Variants in ARMC12 observed in about 807,000 individuals in gnomAD.
ARMC12 encodes armadillo repeat containing 12.
Under a neutral mutation model 37.4 loss-of-function variants are expected in ARMC12, and 25 were observed. That is an observed-to-expected ratio of 0.67 (90% CI 0.49 to 0.93). ARMC12 has a LOEUF of 0.93. ARMC12 is among the 40% of genes least tolerant of loss of function. ARMC12 has a pLI of 0.00. For synonymous variants in ARMC12, 167 were observed against 176.1 expected (o/e 0.95, Z 0.41); for missense variants, 384 against 426.6 (o/e 0.90, Z 0.88).
upstream of ARMC12, chr6:35,735,886 G>A (rs534461746): frequency 2.0e-5 from 3 of 152,336 alleles, no homozygotes; most frequent in South Asian, 4.1e-4. This position sits in a 1 kb window ranked among gnomAD's most constrained non-coding sequence, Gnocchi z 4.0. Flanking sequence ...AGGCTGAGAG[G>A]TGATACTTCC....
intron 5 of ARMC12, 113 bp from the exon 6 acceptor site, chr6:35,748,425 C>T (rs563479331): frequency 1.7e-5 from 14 of 839,358 alleles, no homozygotes; most frequent in East Asian, 9.3e-5. Flanking sequence ...ACTATATACT[C>T]GAGTCTGAAA....
upstream of ARMC12, among the ~76,000 whole-genome samples, chr6:35,732,512 A>G (rs1766858683): frequency 6.6e-6 from 1 of 152,152 alleles, no homozygotes; most frequent in South Asian, 2.1e-4. Flanking sequence ...CGGACTGCAA[A>G]GGGCTTTTCA....
Position 35,738,417 on chromosome 6 carries a change from C to T in ARMC12, c.343C>T (p.Leu115=). 6.2e-7 allele frequency: 1 copy of T among 1,613,798 alleles called. No individual in the cohort carries two copies. The highest frequency in any genetic ancestry group is 1.1e-5 in the South Asian group (1 of 91,060). The change falls in exon 3 of 6, where the codon CTG becomes TTG. Residue 115 remains leucine (L), a synonymous_variant. Coordinates refer to ENST00000373866, the MANE Select transcript of ARMC12 (RefSeq NM_001286574.2). The stretch of plus-strand genomic sequence containing the variant: ...TTGTACTACGGATGACATCGTGTTG[C>T]TGGGCTACATGCTGGATGACAAGGA... The part of the protein sequence containing the change: ...SACTTDDIVL[L]GYMLDDKDNS...
At chr6:35,747,518 T>G in intron 4 of ARMC12, 58 bp from the exon 5 acceptor site, 2 of 1,612,238 alleles carry the variant, frequency 1.2e-6, no homozygotes, top group Non-Finnish European at 1.7e-6. Flanking sequence ...GTTTATATCT[T>G]CCTTGCTGAG....
chr6:35,742,076 C>T (rs939661973), intron 3 of ARMC12, among the ~76,000 whole-genome samples: 4 of 151,874 alleles, frequency 2.6e-5, no homozygotes, highest in East Asian at 2.0e-4. Context: ...AGGCTGGTCT[C>T]GAACTCCTGA....
At chr6:35,742,882 T>C (rs1767216160) in intron 3 of ARMC12, among the ~76,000 whole-genome samples, 1 of 152,186 alleles carries the variant, frequency 6.6e-6, no homozygotes, top group Non-Finnish European at 1.5e-5. Context: ...ATCAGGCCCT[T>C]TGGGTCTGCC....
chr6:35,733,536 G>A (rs747835187), upstream of ARMC12, among the ~76,000 whole-genome samples: 1 of 152,196 alleles, frequency 6.6e-6, no homozygotes, highest in Non-Finnish European at 1.5e-5. Flanking sequence ...TTGAGATGGA[G>A]TCTTGCTCTG....
At chr6:35,738,294 G>GGT (rs376525440) in intron 2 of ARMC12, 90 bp from the exon 3 acceptor site, 8 of 1,429,924 alleles carry the variant, frequency 5.6e-6, no homozygotes, top group African/African-American at 1.4e-5. Context: ...GGTGGGGGGG[G>GGT]GGTGTGCGGA....
chr6:35,735,131 C>G (rs1413799432), upstream of ARMC12: 1 of 152,198 alleles, frequency 6.6e-6, no homozygotes, highest in East Asian at 1.9e-4. This position sits in a 1 kb window ranked among gnomAD's most constrained non-coding sequence, Gnocchi z 4.0. Flanking sequence ...ATGGAGGGGC[C>G]AGTAACTCTG....
At chr6:35,746,283 C>T (rs1767335947) in intron 3 of ARMC12, among the ~76,000 whole-genome samples, 1 of 151,848 alleles carries the variant, frequency 6.6e-6, no homozygotes, top group African/African-American at 2.4e-5. Flanking sequence ...GCAGAGGGCA[C>T]AGCCTATGCA....
chr6:35,742,400 G>A (rs1767198565), intron 3 of ARMC12, among the ~76,000 whole-genome samples: 1 of 150,038 alleles, frequency 6.7e-6, no homozygotes, highest in Admixed American at 6.7e-5. Flanking sequence ...GGAGGCTGAG[G>A]CAGGAGAATC....
intron 3 of ARMC12, among the ~76,000 whole-genome samples, chr6:35,745,460 G>A (rs1169279346): frequency 2.6e-5 from 4 of 152,198 alleles, no homozygotes; most frequent in Non-Finnish European, 5.9e-5. Context: ...GTGGTTGCCT[G>A]GGCTTTGGGC....
At chr6:35,739,504 C>T (rs1301302010) in intron 3 of ARMC12, among the ~76,000 whole-genome samples, 1 of 142,056 alleles carries the variant, frequency 7.0e-6, no homozygotes, top group African/African-American at 2.6e-5. Context: ...TGAGGAATTC[C>T]TTCAGATCCC....
chr6:35,738,286 T>TGG (rs56101324), intron 2 of ARMC12, 98 bp from the exon 3 acceptor site: 233,781 of 1,023,436 alleles, frequency 0.23, 5,121 homozygotes, highest in Admixed American at 0.29. Context: ...CTGATAGCGG[T>TGG]GGGGGGGGGG....
Position 35,748,715 on chromosome 6 carries a change from C to T in ARMC12, c.868C>T (p.Leu290=), listed in dbSNP as rs748288367. Residue 290 remains leucine, a synonymous_variant, in exon 6 of 6, where the codon CTG becomes TTG. Coordinates refer to ENST00000373866, the MANE Select transcript of ARMC12 (RefSeq NM_001286574.2). ...HESLFGEESR[L]ADRLLALVIH... ...ATCCCTCTTTGGGGAAGAGTCCCGA[C>T]TGGCAGACCGACTACTTGCCCTGGT... 2 of 1,614,210 alleles carry T rather than the reference C, an allele frequency of 1.2e-6. No homozygotes were observed. Among genetic ancestry groups the T allele is most frequent in the African/African-American group, 1.3e-5 (1 of 75,044 alleles).
chr6:35,738,268 C>G lies in ARMC12; in HGVS notation c.309+96C>G. 12 of 1,434,554 alleles carry G rather than the reference C, an allele frequency of 8.4e-6. No individual in the cohort carries two copies. The South Asian group carries it at 1.5e-4, about 18-fold the overall frequency. 88.9% of individuals were successfully genotyped at this position (1,434,554 alleles called of 1,614,324 possible). A position where few individuals can be genotyped will look rare whatever the true frequency, so the allele number is the denominator to read the frequency against. Reference sequence around the variant, plus strand: ...ATGGCCAGACTATATCCTGGGACCTCTCTCTGGCTGATAGCGGTGGGGGGG... The same window carrying G: ...ATGGCCAGACTATATCCTGGGACCTGTCTCTGGCTGATAGCGGTGGGGGGG... On this transcript the variant is annotated intron_variant, in intron 2 of 5. Coordinates refer to ENST00000373866, the MANE Select transcript of ARMC12 (RefSeq NM_001286574.2).
At position 35,748,863 on chromosome 6, in the gene ARMC12, C is replaced by A. The variant is rs377035170; in HGVS notation, c.1016C>A (p.Thr339Lys). ...CQPSRSYFKN[T>K]E ...CCCAGTCGTTCCTACTTTAAAAACA[C>A]GGAATAAAATTAAGGAGAGCCAATA... is the stretch of plus-strand genomic sequence containing the variant. Residue 339 changes from threonine to lysine, a missense_variant, in exon 6 of 6, where the codon ACG becomes AAG. Transcript: ENST00000373866. 3 of 1,608,406 alleles carry A rather than the reference C, an allele frequency of 1.9e-6. No homozygotes were observed. The highest frequency in any genetic ancestry group is 2.2e-5 in the East Asian group (1 of 44,834).
At chr6:35,737,873 G>A (rs1282065376) in intron 1 of ARMC12, 154 bp from the exon 2 acceptor site, 7 of 973,378 alleles carry the variant, frequency 7.2e-6, no homozygotes, top group South Asian at 1.4e-5. Context: ...GTAAACATTC[G>A]TTCAACTGTA....
intron 3 of ARMC12, among the ~76,000 whole-genome samples, chr6:35,739,669 C>T (rs1267102278): frequency 1.3e-5 from 2 of 152,214 alleles, no homozygotes; most frequent in Non-Finnish European, 2.9e-5. Context: ...GCTTTTGTTA[C>T]ATTCCAGCCT....
Sources: allele counts gnomAD v4.1 joint callset (sites outside exome capture counted in the v4.1 genomes callset), GRCh38; gene constraint gnomAD v4.1.1; non-coding constraint Gnocchi (gnomAD v3.1); transcripts MANE v1.5; gene names NCBI Gene and HGNC (gene_info 2026-07-23, HGNC 2026-07-21).